PCBP2: variants seen among roughly 807,000 people sequenced by gnomAD.
The protein encoded by PCBP2 is poly(rC)-binding protein 2.
Under a neutral mutation model 50.1 loss-of-function variants are expected in PCBP2, and 4 were observed. The ratio of observed to expected loss-of-function variants is 0.08; its 90% CI spans 0.04 to 0.18. The LOEUF is 0.18. PCBP2 is among the 10% of genes least tolerant of loss of function. The probability of loss-of-function intolerance (pLI) is 1.00; values close to 1 mark genes in which losing one functional copy is unlikely to be tolerated. For missense variants in PCBP2, 161 were observed against 474.3 expected (o/e 0.34, Z 6.14); for synonymous variants, 179 against 168.0 (o/e 1.07, Z -0.51).
intron 8 of PCBP2, among the ~76,000 whole-genome samples, chr12:53,464,291 A>C (rs1941663449): frequency 3.4e-5 from 5 of 146,108 alleles, no homozygotes; most frequent in East Asian, 2.0e-4. Flanking sequence ...CCCCCTTCAT[A>C]CCTCTTTGCT....
intron 13 of PCBP2, 145 bp from the exon 14 acceptor site, chr12:53,471,493 A>C: frequency 1.5e-6 from 1 of 663,976 alleles, no homozygotes. Flanking sequence ...CAAATCCAGG[A>C]GGCTGAGGTT....
At chr12:53,469,140 G>A (rs1592670069) in intron 13 of PCBP2, among the ~76,000 whole-genome samples, 1 of 151,982 alleles carries the variant, frequency 6.6e-6, no homozygotes, top group African/African-American at 2.4e-5. Context: ...GAGCTCAGGT[G>A]ATCCACTCAC....
intron 2 of PCBP2, among the ~76,000 whole-genome samples, chr12:53,455,108 A>AC (rs2137016744): frequency 6.6e-6 from 1 of 152,338 alleles, no homozygotes; most frequent in African/African-American, 2.4e-5. Context: ...CCTGGATGGT[A>AC]AGGTTTTTCT....
intron 7 of PCBP2, 36 bp from the exon 8 acceptor site, chr12:53,462,457 C>G: frequency 6.4e-7 from 1 of 1,573,090 alleles, no homozygotes; most frequent in East Asian, 2.3e-5. Flanking sequence ...GAAACCTTAT[C>G]TCTTTTTGTT....
rs1310947012 is a variant in PCBP2 at position 53,464,327 on chromosome 12, T to TCC, written c.580-430_580-429dup. 5.9e-3 allele frequency: 110 copies of TCC among 18,738 alleles called. 2 individuals are homozygous for TCC. The highest frequency in any genetic ancestry group is 0.021 in the African/African-American group (101 of 4,848). The allele number at this position is 18,738 out of a possible 1,614,324, so 1.2% of individuals were successfully genotyped here. ...TCCCTACCCACCCTCCCTCCCTCCCTCCCCTTTATTTAGTTGATGACCACC... is the reference window on the plus strand; with the variant it reads ...TCCCTACCCACCCTCCCTCCCTCCCTCCCCCCTTTATTTAGTTGATGACCACC... On this transcript the variant is annotated intron_variant, in intron 8 of 14. Transcript: ENST00000546463.
rs907187524 is a variant in PCBP2 at position 53,452,138 on chromosome 12, G to T, written c.-314G>T. The T allele has an allele frequency of 6.8e-6, 1 of 146,528 alleles. No individual in the cohort carries two copies. The highest frequency in any genetic ancestry group is 1.5e-5 in the Non-Finnish European group (1 of 65,818). 9.1% of individuals were successfully genotyped at this position (146,528 alleles called of 1,614,324 possible). A position where few individuals can be genotyped will look rare whatever the true frequency, so the allele number is the denominator to read the frequency against. On this transcript the variant is annotated 5_prime_UTR_variant, in exon 1 of 15. Transcript: ENST00000546463. ...AGAGGCAGCAGCCGGAGCAGCCGCA[G>T]CCTGCGCCCTCTCCCGCCCGCCCGC...
chr12:53,474,857 CCT>C (rs1310171683), intron 14 of PCBP2: 4 of 374,242 alleles, frequency 1.1e-5, no homozygotes, highest in African/African-American at 2.1e-5. Flanking sequence ...TTCCTTTTTT[CCT>C]CTGTTACAGT....
chr12:53,461,192 A>G (rs756114880), intron 7 of PCBP2, 49 bp downstream of exon 7: 1 of 1,598,652 alleles, frequency 6.3e-7, no homozygotes, highest in South Asian at 1.1e-5. Context: ...CATTCTGGGG[A>G]CAGAGGGACT....
chr12:53,453,040 G>A (rs1948753462), intron 1 of PCBP2: 1 of 152,084 alleles, frequency 6.6e-6, no homozygotes, highest in Non-Finnish European at 1.5e-5. Flanking sequence ...TTTATGGAAG[G>A]GGTATTGGAC....
chr12:53,452,118 C>CAGCAGCCGG lies in PCBP2; in HGVS notation c.-325_-317dup, dbSNP rs1425572421. On this transcript the variant is annotated 5_prime_UTR_variant, in exon 1 of 15. Transcript: ENST00000546463. ...CGTCCCCCTCCCAGACCAGCAGAGG[C>CAGCAGCCGG]AGCAGCCGGAGCAGCCGCAGCCTGC... The CAGCAGCCGG allele has an allele frequency of 6.0e-5, 9 of 149,888 alleles. No individual in the cohort carries two copies. Among genetic ancestry groups the CAGCAGCCGG allele is most frequent in the Admixed American group, 2.7e-4 (4 of 14,860 alleles). The allele number at this position is 149,888 out of a possible 1,614,324, so 9.3% of individuals were successfully genotyped here.
chr12:53,462,705 T>C (rs1410287544), intron 8 of PCBP2, 138 bp downstream of exon 8: 18 of 619,630 alleles, frequency 2.9e-5, no homozygotes, highest in East Asian at 5.9e-5. Context: ...CTTTTAGTTT[T>C]ATTTTTGTAC....
At chr12:53,459,959 A>G (rs777653439) in intron 6 of PCBP2, 5 of 431,866 alleles carry the variant, frequency 1.2e-5, no homozygotes, top group African/African-American at 4.0e-5. Context: ...GTGTTTTGCC[A>G]TGTGGCCCAG....
At chr12:53,478,871 AT>A (rs35546014) in intron 14 of PCBP2, among the ~76,000 whole-genome samples, 3,175 of 147,798 alleles carry the variant, frequency 0.021, 83 homozygotes, top group African/African-American at 0.071. Flanking sequence ...TCTTTTTAAC[AT>A]TTTTTTTTTT....
chr12:53,459,492 G>A, intron 6 of PCBP2, 89 bp downstream of exon 6: 3 of 1,209,396 alleles, frequency 2.5e-6, no homozygotes, highest in Non-Finnish European at 3.5e-6. Context: ...GCAATGAGAT[G>A]AAGATTTTTA....
intron 7 of PCBP2, among the ~76,000 whole-genome samples, chr12:53,461,819 C>G (rs1266279598): frequency 6.6e-6 from 1 of 152,130 alleles, no homozygotes; most frequent in East Asian, 1.9e-4. Context: ...AAGCGATCCT[C>G]TCACCTGTCT....
At chr12:53,463,210 C>T (rs1214614652) in intron 8 of PCBP2, among the ~76,000 whole-genome samples, 2 of 152,144 alleles carry the variant, frequency 1.3e-5, no homozygotes, top group African/African-American at 4.8e-5. Context: ...CACCAAAGCA[C>T]CACCGTGGCC....
chr12:53,466,113 C>G (rs1941801698), intron 10 of PCBP2, 140 bp downstream of exon 10: 2 of 747,570 alleles, frequency 2.7e-6, no homozygotes, highest in Admixed American at 4.0e-5. Context: ...CAAGGTCAAT[C>G]CCATATTTTA....
At chr12:53,457,877 T>A (rs1941150725) in intron 5 of PCBP2, among the ~76,000 whole-genome samples, 1 of 152,198 alleles carries the variant, frequency 6.6e-6, no homozygotes. Context: ...CAGCACGTGT[T>A]TATGGGAAAG....
chr12:53,458,954 T>A (rs999518985), intron 5 of PCBP2, among the ~76,000 whole-genome samples: 1 of 152,160 alleles, frequency 6.6e-6, no homozygotes, highest in Admixed American at 6.5e-5. Context: ...TTGATTTAAT[T>A]TTGACATCAT....
Sources: gnomAD v4.1 joint callset for allele counts (sites outside exome capture counted in the v4.1 genomes callset) on GRCh38, gnomAD v4.1.1 for gene constraint, MANE v1.5 for transcripts, NCBI Gene and HGNC (gene_info 2026-07-23, HGNC 2026-07-21) for gene names.